Variants in CHLSN observed in about 807,000 individuals in gnomAD.
CHLSN encodes the protein cholesin, also known as protein cholesin.
At chr7:1,094,163 G>T in the CHLSN span, among the ~76,000 whole-genome samples, 2 of 152,236 alleles carry the variant, frequency 1.3e-5, no homozygotes, top group Non-Finnish European at 2.9e-5. Context: ...GCACCCAAGC[G>T]CTCCTGGAGC....
the CHLSN span, chr7:1,026,846 TCAC>T: frequency 3.2e-3 from 494 of 152,318 alleles, 2 homozygotes; most frequent in Non-Finnish European, 4.2e-3. Flanking sequence ...GCCGCCCACT[TCAC>T]CAGGCAGCCT....
At chr7:1,058,310 C>A in the CHLSN span, 3 of 775,762 alleles carry the variant, frequency 3.9e-6, no homozygotes, top group African/African-American at 5.1e-5. Context: ...GAGGGAAGCC[C>A]GTGGACGCAC....
chr7:1,018,961 C>T, the CHLSN span, among the ~76,000 whole-genome samples: 203 of 151,948 alleles, frequency 1.3e-3, no homozygotes, highest in African/African-American at 4.3e-3. Flanking sequence ...GCGTGGTGGC[C>T]GAGGTGGGTG....
the CHLSN span, among the ~76,000 whole-genome samples, chr7:1,124,197 C>A: frequency 6.6e-6 from 1 of 151,996 alleles, no homozygotes; most frequent in Non-Finnish European, 1.5e-5. Context: ...TTACTTGAAC[C>A]TAAACAAAAG....
chr7:1,037,858 C>T, the CHLSN span, among the ~76,000 whole-genome samples: 372 of 56,484 alleles, frequency 6.6e-3, 4 homozygotes, highest in African/African-American at 0.021. Flanking sequence ...TCTGCCCGGC[C>T]GCCCATCGTC....
At chr7:1,009,806 C>G in the CHLSN span, 1 of 715,182 alleles carries the variant, frequency 1.4e-6, no homozygotes, top group Non-Finnish European at 2.2e-6. Context: ...AGGGCAGCGG[C>G]GGCAGCACAG....
chr7:1,033,839 C>T, the CHLSN span, among the ~76,000 whole-genome samples: 3 of 152,084 alleles, frequency 2.0e-5, no homozygotes, highest in Non-Finnish European at 4.4e-5. Context: ...CCCAGGAAAT[C>T]AGTAATGGAG....
At chr7:1,068,963 G>A in the CHLSN span, among the ~76,000 whole-genome samples, 1 of 152,178 alleles carries the variant, frequency 6.6e-6, no homozygotes, top group Non-Finnish European at 1.5e-5. Flanking sequence ...GCGTACTGGG[G>A]GATAAATGGC....
the CHLSN span, among the ~76,000 whole-genome samples, chr7:1,131,289 T>C: frequency 1.7e-3 from 253 of 151,702 alleles, no homozygotes; most frequent in Middle Eastern, 3.4e-3. Flanking sequence ...CCTGGCAGCA[T>C]TGAGCCCACC....
At chr7:1,045,311 G>A in the CHLSN span, 1 of 152,258 alleles carries the variant, frequency 6.6e-6, no homozygotes, top group Non-Finnish European at 1.5e-5. Context: ...TGGACCAGAG[G>A]ATAATTCTGT....
chr7:1,101,208 G>A, the CHLSN span, among the ~76,000 whole-genome samples: 1 of 152,388 alleles, frequency 6.6e-6, no homozygotes, highest in East Asian at 1.9e-4. Flanking sequence ...TGCTGCGGTT[G>A]GTCTGTCTGA....
chr7:1,092,756 C>T, the CHLSN span: 1 of 1,613,690 alleles, frequency 6.2e-7, no homozygotes, highest in Non-Finnish European at 8.5e-7. Context: ...GAGCAGAAAA[C>T]AAATTTGCCG....
chr7:1,059,855 TG>T, the CHLSN span, among the ~76,000 whole-genome samples: 3 of 16,904 alleles, frequency 1.8e-4, no homozygotes, highest in Non-Finnish European at 1.1e-4. Context: ...GGGTCCGTAG[TG>T]GGGCGGGTCT....
the CHLSN span, among the ~76,000 whole-genome samples, chr7:1,009,163 C>T: frequency 1.3e-5 from 2 of 152,184 alleles, no homozygotes; most frequent in African/African-American, 2.4e-5. Flanking sequence ...CTCCGAGGGC[C>T]TCCCACAGAG....
the CHLSN span, chr7:984,724 G>A: frequency 1.6e-6 from 2 of 1,252,902 alleles, no homozygotes; most frequent in South Asian, 1.5e-5. Context: ...GCTGAGAAGG[G>A]CCAGGTGTCC....
chr7:1,015,941 G>A, the CHLSN span, among the ~76,000 whole-genome samples: 1 of 152,170 alleles, frequency 6.6e-6, no homozygotes, highest in African/African-American at 2.4e-5. Context: ...TACTCCTGAC[G>A]CCCCTCAGTG....
At chr7:996,626 C>T in the CHLSN span, among the ~76,000 whole-genome samples, 249 of 152,314 alleles carry the variant, frequency 1.6e-3, 1 homozygote, top group African/African-American at 5.7e-3. Context: ...CGGACCTCCT[C>T]GCCATGGCCA....
chr7:1,068,754 C>G, the CHLSN span, among the ~76,000 whole-genome samples: 1 of 152,162 alleles, frequency 6.6e-6, no homozygotes. Context: ...ATCAGTCTGC[C>G]CAGCTACTTA....
the CHLSN span, among the ~76,000 whole-genome samples, chr7:1,066,969 C>T: frequency 7.4e-6 from 1 of 135,704 alleles, no homozygotes; most frequent in African/African-American, 2.9e-5. Context: ...GGCTGGAGTG[C>T]ACCCAGAGGT....
Sources: allele counts gnomAD v4.1 joint callset (sites outside exome capture counted in the v4.1 genomes callset), GRCh38; gene constraint gnomAD v4.1.1; transcripts MANE v1.5; gene names NCBI Gene and HGNC (gene_info 2026-07-23, HGNC 2026-07-21).